The following ACTG2 variants were observed in gnomAD, a reference collection of about 807,000 sequenced individuals.
ACTG2 encodes the protein actin, gamma-enteric smooth muscle.
In ACTG2, 16 loss-of-function variants were observed where a neutral mutation model predicts 37.6. The observed-to-expected ratio is 0.43, with a 90% confidence interval of 0.29 to 0.65. ACTG2 has a LOEUF of 0.65. Ranked by LOEUF, ACTG2 falls within the 30% of genes least tolerant of loss-of-function variation. The pLI is 0.18. For synonymous variants in ACTG2, 181 were observed against 179.9 expected (o/e 1.01, Z -0.05); for missense variants, 238 against 490.9 (o/e 0.48, Z 4.87).
At chr2:73,911,241 C>T (rs956965199) in intron 5 of ACTG2, among the ~76,000 whole-genome samples, 5 of 152,126 alleles carry the variant, frequency 3.3e-5, no homozygotes, top group Non-Finnish European at 7.4e-5. Context: ...TGCCTGTAAT[C>T]CCAGCACTTT....
intron 1 of ACTG2, among the ~76,000 whole-genome samples, chr2:73,898,125 G>T (rs1421097782): frequency 2.1e-4 from 32 of 151,822 alleles, no homozygotes; most frequent in Admixed American, 2.0e-3. Context: ...TAGGGTGCTT[G>T]CTGCCAACCG....
At chr2:73,915,023 T>A (rs377690038) in intron 7 of ACTG2, 152 bp downstream of exon 7, 24 of 490,678 alleles carry the variant, frequency 4.9e-5, no homozygotes, top group African/African-American at 4.2e-4. Flanking sequence ...AAATGTATTT[T>A]AAAAAAAATT....
chr2:73,914,498 G>C (rs1256631807), intron 6 of ACTG2, among the ~76,000 whole-genome samples, 182 bp from the exon 7 acceptor site: 2 of 150,638 alleles, frequency 1.3e-5, no homozygotes, highest in Non-Finnish European at 2.9e-5. Context: ...GGTAGAGGTT[G>C]CAGTGAGCCA....
intron 4 of ACTG2, 94 bp from the exon 5 acceptor site, chr2:73,908,961 G>C (rs1212015737): frequency 7.3e-7 from 1 of 1,365,656 alleles, no homozygotes. Flanking sequence ...AACTGGCATA[G>C]TTCCTGCCCT....
chr2:73,914,699 A>G lies in ACTG2; in HGVS notation c.633A>G (p.Arg211=), dbSNP rs778124051. 6.3e-7 allele frequency: 1 copy of G among 1,595,482 alleles called. No homozygotes were observed. Among genetic ancestry groups the G allele is most frequent in the Non-Finnish European group, 8.5e-7 (1 of 1,170,160 alleles). Reference sequence around the variant, plus strand: ...TTCCAGCTGAGAGAGAAATTGTGCGAGACATCAAGGAGAAGCTGTGCTATG... The same window carrying G: ...TTCCAGCTGAGAGAGAAATTGTGCGGGACATCAAGGAGAAGCTGTGCTATG... ...FVTTAEREIV[R]DIKEKLCYVA... is the part of the protein sequence containing the mutation. Residue 211 remains arginine (R), a synonymous_variant, in exon 7 of 9, where the codon CGA becomes CGG. Transcript: ENST00000345517.
At chr2:73,895,039 G>A (rs1461017866) in intron 1 of ACTG2, among the ~76,000 whole-genome samples, 1 of 152,212 alleles carries the variant, frequency 6.6e-6, no homozygotes, top group Non-Finnish European at 1.5e-5. Context: ...GCAGGTAGAA[G>A]TAAGAAGGGC....
At chr2:73,908,393 G>T (rs992012787) in intron 3 of ACTG2, 1 of 540,726 alleles carries the variant, frequency 1.8e-6, no homozygotes, top group South Asian at 1.5e-5. Context: ...CACAAAGGCA[G>T]GGGAGAGACT....
At chr2:73,902,239 T>C in intron 2 of ACTG2, 121 bp from the exon 3 acceptor site, 2 of 1,192,190 alleles carry the variant, frequency 1.7e-6, no homozygotes, top group Admixed American at 4.8e-5. Context: ...CTATCCTGTT[T>C]CTGGGGGAAG....
intron 1 of ACTG2, among the ~76,000 whole-genome samples, chr2:73,897,477 GGA>G (rs373594529): frequency 8.1e-4 from 124 of 152,318 alleles, no homozygotes; most frequent in African/African-American, 2.9e-3. Flanking sequence ...TGGCCAGCTT[GGA>G]GAGAAGACTG....
At position 73,915,468 on chromosome 2, in the gene ACTG2, C is replaced by T. The variant is rs532391712; in HGVS notation, c.805+597C>T. ...CGCAGAGATCAAGGCTGCAGTGAGC[C>T]GTGATTGTGTCACTGCACTCCAGCC... On this transcript the variant is annotated intron_variant, in intron 7 of 8. Transcript: ENST00000345517. Among the ~76,000 whole-genome samples, 9 of 146,158 alleles carry T rather than the reference C, an allele frequency of 6.2e-5. No individual in the cohort carries two copies. In the South Asian group the frequency reaches 1.1e-3, roughly 17 times the overall value.
rs745567878 is a variant in ACTG2, at chr2:73,902,506, C to T, written c.255+18C>T. On this transcript the variant is annotated intron_variant, in intron 3 of 8. Coordinates refer to ENST00000345517, the MANE Select transcript of ACTG2 (RefSeq NM_001615.4). The stretch of plus-strand genomic sequence containing the variant: ...TGGAGAAGGTATCTGTAGACTTCCC[C>T]TTAATGAGCCTGCTTTAATGATCAC... 1.9e-6 allele frequency: 3 copies of T among 1,613,806 alleles called. No homozygotes were observed. Among genetic ancestry groups the T allele is most frequent in the African/African-American group, 1.3e-5 (1 of 75,006 alleles).
intron 7 of ACTG2, among the ~76,000 whole-genome samples, chr2:73,915,567 C>T (rs1313665300): frequency 6.7e-6 from 1 of 150,060 alleles, no homozygotes; most frequent in Non-Finnish European, 1.5e-5. Context: ...AGGCAGATGG[C>T]AAGAGCCAGT....
chr2:73,900,433 T>A (rs1281149401), intron 1 of ACTG2, among the ~76,000 whole-genome samples: 1 of 152,258 alleles, frequency 6.6e-6, no homozygotes, highest in African/African-American at 2.4e-5. Flanking sequence ...AAAGAAAGAA[T>A]GCGTGCAGCA....
intron 1 of ACTG2, among the ~76,000 whole-genome samples, chr2:73,895,215 C>G (rs1243774592): frequency 6.6e-6 from 1 of 151,880 alleles, no homozygotes. Flanking sequence ...GGGGGAGATG[C>G]ACGGCAGGCT....
At chr2:73,900,254 C>T (rs1484023047) in intron 1 of ACTG2, among the ~76,000 whole-genome samples, 1 of 152,224 alleles carries the variant, frequency 6.6e-6, no homozygotes, top group Non-Finnish European at 1.5e-5. Flanking sequence ...CACTTCTGCC[C>T]CGCCCCACTG....
At chr2:73,895,234 C>T (rs1243276260) in intron 1 of ACTG2, among the ~76,000 whole-genome samples, 1 of 151,872 alleles carries the variant, frequency 6.6e-6, no homozygotes, top group Non-Finnish European at 1.5e-5. Context: ...CTCTGCAGGC[C>T]TAGAGCTCAA....
chr2:73,912,700 T>C (rs1680163507), intron 5 of ACTG2, among the ~76,000 whole-genome samples: 1 of 152,214 alleles, frequency 6.6e-6, no homozygotes, highest in South Asian at 2.1e-4. Flanking sequence ...TAATTGATTC[T>C]GTTGGGTCTT....
At chr2:73,899,526 GACT>G (rs959219040) in intron 1 of ACTG2, among the ~76,000 whole-genome samples, 4 of 151,790 alleles carry the variant, frequency 2.6e-5, no homozygotes, top group Non-Finnish European at 5.9e-5. Context: ...GATCTTCTTG[GACT>G]TTTATTCTTT....
At chr2:73,918,107 G>T (rs184906688) in intron 8 of ACTG2, among the ~76,000 whole-genome samples, 1 of 152,158 alleles carries the variant, frequency 6.6e-6, no homozygotes, top group African/African-American at 2.4e-5. Context: ...AAATAAAAGC[G>T]GAAGGGAAAG....
Sources: allele counts gnomAD v4.1 joint callset (sites outside exome capture counted in the v4.1 genomes callset), GRCh38; gene constraint gnomAD v4.1.1; transcripts MANE v1.5; gene names NCBI Gene and HGNC (gene_info 2026-07-23, HGNC 2026-07-21).